Variants in CHCHD6 observed in about 807,000 individuals in gnomAD.
CHCHD6 encodes the protein coiled-coil-helix-coiled-coil-helix domain containing 6.
Under a neutral mutation model 32.3 loss-of-function variants are expected in CHCHD6, and 28 were observed. The ratio of observed to expected loss-of-function variants is 0.87; its 90% CI spans 0.64 to 1.19. The LOEUF is 1.19. CHCHD6 is among the 50% of genes most tolerant of loss of function. The pLI is 0.00. For missense variants in CHCHD6, 333 were observed against 307.0 expected, an observed-to-expected ratio of 1.08 and a Z score of -0.63; for synonymous variants, 122 against 117.5, an observed-to-expected ratio of 1.04 and a Z score of -0.25.
chr3:126,874,662 A>T (rs576332351), intron 5 of CHCHD6, among the ~76,000 whole-genome samples: 15 of 152,210 alleles, frequency 9.9e-5, no homozygotes, highest in African/African-American at 3.6e-4. Context: ...TACTTCCTAA[A>T]TATTTATGAA....
chr3:126,846,717 A>C (rs1356058374), intron 4 of CHCHD6, among the ~76,000 whole-genome samples: 1 of 152,244 alleles, frequency 6.6e-6, no homozygotes, highest in Non-Finnish European at 1.5e-5. Context: ...TTAACATATT[A>C]ATCATAGTTA....
intron 5 of CHCHD6, among the ~76,000 whole-genome samples, chr3:126,912,309 G>T (rs1474132365): frequency 6.6e-6 from 1 of 152,166 alleles, no homozygotes; most frequent in East Asian, 1.9e-4. Flanking sequence ...GCCCAAAGTT[G>T]TTATGTCTCT....
At chr3:126,766,778 A>T in intron 4 of CHCHD6, 1 of 1,116,680 alleles carries the variant, frequency 9.0e-7, no homozygotes, top group Non-Finnish European at 1.4e-6. Flanking sequence ...GCCCCCTGGA[A>T]AAACAGACCA....
At chr3:126,903,290 C>G (rs1324102194) in intron 5 of CHCHD6, among the ~76,000 whole-genome samples, 1 of 152,182 alleles carries the variant, frequency 6.6e-6, no homozygotes, top group Non-Finnish European at 1.5e-5. Flanking sequence ...ATGCAGAGAA[C>G]CACCCCCGCC....
chr3:126,738,105 C>G lies in CHCHD6; in HGVS notation c.411+4883C>G, dbSNP rs148209597. ...AGAGTAGCTGTCCTGTCCTGTTCTC[C>G]TGGTGGCAGAGGACTTTTGATCTCT... On this transcript the variant is annotated intron_variant, in intron 4 of 7. Transcript: ENST00000290913. Among the ~76,000 whole-genome samples, 3 of 152,326 alleles carry G rather than the reference C, an allele frequency of 2.0e-5. No individual in the cohort carries two copies. In the East Asian group the frequency reaches 5.8e-4, roughly 29 times the overall value.
At chr3:126,935,068 A>G in intron 6 of CHCHD6, 1 of 945,618 alleles carries the variant, frequency 1.1e-6, no homozygotes. Context: ...CGTTTTGGAA[A>G]GAATATCTAT....
chr3:126,908,046 A>G (rs1170448283), intron 5 of CHCHD6, among the ~76,000 whole-genome samples: 4 of 150,280 alleles, frequency 2.7e-5, no homozygotes, highest in African/African-American at 9.8e-5. Flanking sequence ...TCTTACCTTG[A>G]AATACTGCTT....
intron 5 of CHCHD6, among the ~76,000 whole-genome samples, chr3:126,869,880 T>G (rs1430202403): frequency 6.6e-6 from 1 of 152,260 alleles, no homozygotes; most frequent in East Asian, 1.9e-4. Context: ...TATTACCAAT[T>G]AAGCAGTCAC....
intron 4 of CHCHD6, among the ~76,000 whole-genome samples, chr3:126,769,941 C>T (rs1937514478): frequency 6.6e-6 from 1 of 152,144 alleles, no homozygotes; most frequent in Non-Finnish European, 1.5e-5. Flanking sequence ...CCATTTTAAT[C>T]ATACTAGTTT....
At chr3:126,766,852 G>T (rs1420402324) in intron 4 of CHCHD6, 2 of 966,968 alleles carry the variant, frequency 2.1e-6, no homozygotes, top group African/African-American at 3.2e-5. Flanking sequence ...CCGATGTCCA[G>T]GGAAGTCAAA....
At chr3:126,769,889 T>C (rs1937513178) in intron 4 of CHCHD6, among the ~76,000 whole-genome samples, 1 of 152,212 alleles carries the variant, frequency 6.6e-6, no homozygotes, top group Non-Finnish European at 1.5e-5. Context: ...GGTAATTTGA[T>C]AGGAATAGCA....
At chr3:126,921,775 G>A (rs4679133) in intron 6 of CHCHD6, among the ~76,000 whole-genome samples, 87,180 of 152,076 alleles carry the variant, frequency 0.57, 26,303 homozygotes, top group Non-Finnish European at 0.67. Context: ...GCACTTGGAA[G>A]ACAGGACTTA....
intron 5 of CHCHD6, among the ~76,000 whole-genome samples, chr3:126,889,144 G>A (rs563937089): frequency 1.3e-5 from 2 of 152,256 alleles, no homozygotes; most frequent in South Asian, 2.1e-4. Flanking sequence ...AGGTGGTGTC[G>A]GGGTGGACTA....
At chr3:126,905,974 G>A (rs752040916) in intron 5 of CHCHD6, among the ~76,000 whole-genome samples, 56 of 152,258 alleles carry the variant, frequency 3.7e-4, no homozygotes, top group African/African-American at 1.2e-3. Context: ...ACTGGCAGAG[G>A]GAAAGAGGAA....
chr3:126,728,370 T>C (rs1402661578), intron 2 of CHCHD6, among the ~76,000 whole-genome samples: 3 of 152,198 alleles, frequency 2.0e-5, no homozygotes, highest in Admixed American at 1.3e-4. Context: ...GGGTGGGCAC[T>C]GCGAATGGGC....
chr3:126,705,824 T>TA (rs199585360), intron 1 of CHCHD6, among the ~76,000 whole-genome samples: 9 of 149,410 alleles, frequency 6.0e-5, no homozygotes, highest in African/African-American at 9.8e-5. Context: ...ATGGCCACAT[T>TA]AAAAAAAAAA....
chr3:126,835,322 A>G (rs1559871965), intron 4 of CHCHD6, among the ~76,000 whole-genome samples: 1 of 151,574 alleles, frequency 6.6e-6, no homozygotes, highest in Non-Finnish European at 1.5e-5. Flanking sequence ...TGCCTGCCTG[A>G]CGTCGTTACG....
At chr3:126,824,840 A>G (rs1007158819) in intron 4 of CHCHD6, among the ~76,000 whole-genome samples, 3 of 151,906 alleles carry the variant, frequency 2.0e-5, no homozygotes, top group Middle Eastern at 3.2e-3. Context: ...CAGCCTCCCA[A>G]AGTGCTGGGA....
intron 4 of CHCHD6, among the ~76,000 whole-genome samples, chr3:126,800,199 A>G (rs1220070655): frequency 6.6e-6 from 1 of 152,172 alleles, no homozygotes; most frequent in Non-Finnish European, 1.5e-5. Context: ...ATAAAACTCA[A>G]CGATTGTAAG....
Sources: allele counts gnomAD v4.1 joint callset (sites outside exome capture counted in the v4.1 genomes callset), GRCh38; gene constraint gnomAD v4.1.1; transcripts MANE v1.5; gene names NCBI Gene and HGNC (gene_info 2026-07-23, HGNC 2026-07-21).